The following YTHDF2 variants were observed in gnomAD, a reference collection of about 807,000 sequenced individuals.
The protein encoded by YTHDF2 is YTH N6-methyladenosine RNA binding protein F2, also known as YTH domain-containing family protein 2.
In YTHDF2, 2 loss-of-function variants were observed where a neutral mutation model predicts 50.4. The observed-to-expected ratio is 0.04, with a 90% CI of 0.02 to 0.12. YTHDF2 has a LOEUF of 0.12. Ranked by LOEUF, YTHDF2 falls within the 10% of genes least tolerant of loss-of-function variation. YTHDF2 has a pLI of 1.00. For missense variants in YTHDF2, 483 were observed against 722.6 expected (o/e 0.67, Z 3.80); for synonymous variants, 217 against 255.6 (o/e 0.85, Z 1.44).
rs56916547 is a variant in YTHDF2, at chr1:28,751,090, C to CAAAAAAAAAAAAAAA, written c.1716+7110_1716+7124dup. On this transcript the variant is annotated intron_variant, in intron 4 of 4. Coordinates refer to ENST00000373812, the MANE Select transcript of YTHDF2 (RefSeq NM_016258.3). ...CCTTTGTGACAGAGCGAGACTGTCT[C>CAAAAAAAAAAAAAAA]AAAAAAAAAAAAAAAAAAAAGGCTG... Among the ~76,000 whole-genome samples, 30 of 33,754 alleles carry CAAAAAAAAAAAAAAA rather than the reference C, an allele frequency of 8.9e-4. 5 individuals are homozygous for CAAAAAAAAAAAAAAA. The highest frequency in any genetic ancestry group is 1.1e-3 in the African/African-American group (7 of 6,348). 22.1% of individuals were successfully genotyped at this position (33,754 alleles called of 152,430 possible). A position where few individuals can be genotyped will look rare whatever the true frequency, so the allele number is the denominator to read the frequency against.
At chr1:28,756,787 T>G (rs1041073466) in intron 4 of YTHDF2, among the ~76,000 whole-genome samples, 1 of 151,890 alleles carries the variant, frequency 6.6e-6, no homozygotes, top group African/African-American at 2.4e-5. Flanking sequence ...AGCATTGGCT[T>G]TGCCTGCCTG....
intron 2 of YTHDF2, 87 bp downstream of exon 2, chr1:28,737,769 G>A: frequency 6.5e-7 from 1 of 1,531,140 alleles, no homozygotes. Flanking sequence ...CCCGGGCGGA[G>A]GACCTTTCGG....
Position 28,747,668 on chromosome 1 carries a change from T to G in YTHDF2, c.1716+3682T>G, listed in dbSNP as rs1371882890. On this transcript the variant is annotated intron_variant, in intron 4 of 4. Transcript: ENST00000373812. ...CTCCTGACTTTGTGATCCTCCCGCC[T>G]CTCCCTCCGAAAGTGCTGGGATTAC... is the stretch of plus-strand genomic sequence containing the variant. 3.4e-5 allele frequency among the ~76,000 whole-genome samples: 5 copies of G among 145,926 alleles called. No homozygotes were observed. The East Asian group carries it at 1.1e-3, about 33-fold the overall frequency.
At chr1:28,755,159 T>G (rs2088018165) in intron 4 of YTHDF2, among the ~76,000 whole-genome samples, 1 of 151,944 alleles carries the variant, frequency 6.6e-6, no homozygotes. Flanking sequence ...GGAGCAGCAG[T>G]TTAGGGTTAG....
At chr1:28,763,718 G>A (rs541623296) in intron 4 of YTHDF2, among the ~76,000 whole-genome samples, 1 of 150,254 alleles carries the variant, frequency 6.7e-6, no homozygotes, top group African/African-American at 2.4e-5. Context: ...GCCTCCCAAA[G>A]TGCTGGGATC....
In YTHDF2 at chr1:28,747,231, A is replaced by G. The variant is rs759174894; in HGVS notation, c.1716+3245A>G. Reference sequence around the variant, plus strand: ...TTAATGTTTTCATAGAATGAGTGCAATAGTAAACAGAATTTAGCGTCTTTG... The same window carrying G: ...TTAATGTTTTCATAGAATGAGTGCAGTAGTAAACAGAATTTAGCGTCTTTG... On this transcript the variant is annotated intron_variant, in intron 4 of 4. Coordinates refer to ENST00000373812, the MANE Select transcript of YTHDF2 (RefSeq NM_016258.3). Among the ~76,000 whole-genome samples the G allele has an allele frequency of 6.6e-5, 10 of 152,250 alleles. No homozygotes were observed. In the East Asian group the frequency reaches 1.9e-3, roughly 30 times the overall value.
chr1:28,750,215 C>A (rs897922568), intron 4 of YTHDF2, among the ~76,000 whole-genome samples: 6 of 151,610 alleles, frequency 4.0e-5, no homozygotes, highest in Admixed American at 3.3e-4. Context: ...GGTCTTGAAC[C>A]CTTGACTTTG....
chr1:28,752,888 TA>T (rs933844507), intron 4 of YTHDF2, among the ~76,000 whole-genome samples: 2 of 150,868 alleles, frequency 1.3e-5, no homozygotes, highest in Non-Finnish European at 3.0e-5. Context: ...ACAAAAAATT[TA>T]AAAAAAATTA....
rs577524403 is a variant in YTHDF2, at chr1:28,742,317, A to T, written c.133-86A>T. On this transcript the variant is annotated intron_variant, in intron 3 of 4. Coordinates refer to ENST00000373812, the MANE Select transcript of YTHDF2 (RefSeq NM_016258.3). ...GCCTGCACACTCCTTTTTATAGTAT[A>T]TTTGAATTGCGTGACTAGGTGGGGG... 3.4e-6 allele frequency: 5 copies of T among 1,480,340 alleles called. No homozygotes were observed. In the East Asian group the frequency reaches 1.1e-4, roughly 34 times the overall value. The allele number at this position is 1,480,340 out of a possible 1,614,324, so 91.7% of individuals were successfully genotyped here.
At chr1:28,748,379 G>A (rs995079180) in intron 4 of YTHDF2, among the ~76,000 whole-genome samples, 2 of 152,278 alleles carry the variant, frequency 1.3e-5, no homozygotes, top group Non-Finnish European at 1.5e-5. Flanking sequence ...AAGTGTTTGT[G>A]TGTGTACCTT....
At chr1:28,737,714 G>C (rs1008125205) in intron 2 of YTHDF2, 32 bp downstream of exon 2, 17 of 1,611,990 alleles carry the variant, frequency 1.1e-5, no homozygotes, top group African/African-American at 1.3e-5. Context: ...GCCCTGAGCC[G>C]GGAGGGGGAC....
chr1:28,767,349 AACTT>A (rs1407657237), intron 4 of YTHDF2, among the ~76,000 whole-genome samples: 3 of 152,164 alleles, frequency 2.0e-5, no homozygotes, highest in East Asian at 1.9e-4. Flanking sequence ...TATGCCAACT[AACTT>A]AAATATAAAC....
At chr1:28,737,748 C>T in intron 2 of YTHDF2, 66 bp downstream of exon 2, 3 of 1,588,630 alleles carry the variant, frequency 1.9e-6, no homozygotes, top group South Asian at 1.1e-5. Context: ...GGCGGGGTCT[C>T]CGGGAAGCGC....
intron 3 of YTHDF2, 75 bp from the exon 4 acceptor site, chr1:28,742,328 G>T (rs1570462574): frequency 6.7e-6 from 10 of 1,496,974 alleles, no homozygotes; most frequent in Admixed American, 2.3e-5. Flanking sequence ...TTTGAATTGC[G>T]TGACTAGGTG....
chr1:28,756,499 T>C (rs1418635363), intron 4 of YTHDF2, among the ~76,000 whole-genome samples: 1 of 152,306 alleles, frequency 6.6e-6, no homozygotes, highest in African/African-American at 2.4e-5. Flanking sequence ...TCTTGGAACC[T>C]CATGAATGAT....
At chr1:28,737,762 G>A in intron 2 of YTHDF2, 80 bp downstream of exon 2, 1 of 1,562,922 alleles carries the variant, frequency 6.4e-7, no homozygotes, top group Non-Finnish European at 8.7e-7. Flanking sequence ...GAAGCGCCCC[G>A]GGCGGAGGAC....
intron 1 of YTHDF2, 99 bp from the exon 2 acceptor site, chr1:28,737,559 C>T (rs1225810757): frequency 5.2e-6 from 8 of 1,542,864 alleles, no homozygotes; most frequent in East Asian, 2.3e-5. Flanking sequence ...CTCGGGCCTG[C>T]TCCTTTATTC....
chr1:28,743,890 G>T lies in YTHDF2; in HGVS notation c.1620G>T (p.Val540=), dbSNP rs1557541511. ...TGCCTCTGGAAAAGGCTAAGCAGGT[G>T]TTGAAAATTATAGCCAGCTACAAGC... ...QEVPLEKAKQ[V]LKIIASYKHT... Residue 540 remains valine, a synonymous_variant, in exon 4 of 5, where the codon GTG becomes GTT. Coordinates refer to ENST00000373812, the MANE Select transcript of YTHDF2 (RefSeq NM_016258.3). This position sits in a 1 kb window ranked among gnomAD's most constrained non-coding sequence, Gnocchi z 6.9. 9.3e-6 allele frequency: 15 copies of T among 1,610,462 alleles called. No individual in the cohort carries two copies. Among genetic ancestry groups the T allele is most frequent in the African/African-American group, 1.3e-5 (1 of 74,738 alleles).
intron 2 of YTHDF2, 178 bp downstream of exon 2, chr1:28,737,860 T>G: frequency 1.4e-6 from 1 of 699,404 alleles, no homozygotes; most frequent in Non-Finnish European, 2.3e-6. Context: ...AACAGCTTTT[T>G]CGCTAACAAG....
Sources: allele counts gnomAD v4.1 joint callset (sites outside exome capture counted in the v4.1 genomes callset), GRCh38; gene constraint gnomAD v4.1.1; non-coding constraint Gnocchi (gnomAD v3.1); transcripts MANE v1.5; gene names NCBI Gene and HGNC (gene_info 2026-07-23, HGNC 2026-07-21).